ABCC12: variants seen among roughly 807,000 people sequenced by gnomAD.
ABCC12 encodes ATP-binding cassette sub-family C member 12.
A neutral mutation model predicts 151.1 loss-of-function variants in ABCC12; 142 were observed. The ratio of observed to expected loss-of-function variants is 0.94; its 90% CI spans 0.82 to 1.08. The LOEUF is 1.08. ABCC12 is among the 50% of genes least tolerant of loss of function. The pLI, the probability that ABCC12 is intolerant of heterozygous loss-of-function variation, is 0.00. For synonymous variants in ABCC12, 645 were observed against 646.4 expected (o/e 1.00, Z 0.03); for missense variants, 1,638 against 1,691.1 (o/e 0.97, Z 0.55).
At chr16:48,129,248 A>G (rs1166205494) in intron 10 of ABCC12, among the ~76,000 whole-genome samples, 1 of 152,196 alleles carries the variant, frequency 6.6e-6, no homozygotes, top group East Asian at 1.9e-4. Flanking sequence ...GTCTGGAGGG[A>G]GATGAGAACA....
intron 14 of ABCC12, 66 bp downstream of exon 14, chr16:48,117,195 C>G: frequency 6.8e-7 from 1 of 1,470,566 alleles, no homozygotes; most frequent in Non-Finnish European, 9.3e-7. Context: ...CTGGCCTCAG[C>G]CCTTTGGACC....
At chr16:48,112,160 G>A (rs1963719341) in intron 15 of ABCC12, among the ~76,000 whole-genome samples, 1 of 152,106 alleles carries the variant, frequency 6.6e-6, no homozygotes, top group Non-Finnish European at 1.5e-5. Flanking sequence ...CCTCCTGGGG[G>A]CAGATTGGCC....
At chr16:48,087,873 A>C (rs1962688022) in intron 27 of ABCC12, 53 bp downstream of exon 27, 1 of 1,574,904 alleles carries the variant, frequency 6.3e-7, no homozygotes, top group Middle Eastern at 1.7e-4. Context: ...GTTCTTGGTC[A>C]GTCTGATTTC....
At chr16:48,124,597 A>G (rs1456883156) in intron 11 of ABCC12, among the ~76,000 whole-genome samples, 1 of 152,252 alleles carries the variant, frequency 6.6e-6, no homozygotes, top group Non-Finnish European at 1.5e-5. Context: ...ACAGGCCTTG[A>G]ACAGGAAGGC....
intron 9 of ABCC12, among the ~76,000 whole-genome samples, 176 bp from the exon 10 acceptor site, chr16:48,131,071 C>A (rs1307525449): frequency 3.3e-5 from 5 of 152,196 alleles, no homozygotes; most frequent in Non-Finnish European, 7.3e-5. Context: ...CAGCTGGGGA[C>A]AGCAGCATCT....
intron 25 of ABCC12, among the ~76,000 whole-genome samples, chr16:48,090,401 CTTTTTTTTTTT>C (rs1011013161): frequency 8.4e-6 from 1 of 118,934 alleles, no homozygotes; most frequent in Non-Finnish European, 1.8e-5. Context: ...CAAATTTGAA[CTTTTTTTTTTT>C]TTTTTTTTTT....
At position 48,117,311 on chromosome 16, in the gene ABCC12, A is replaced by C; in HGVS notation, c.1735T>G (p.Cys579Gly). 2 of 1,613,900 alleles carry C rather than the reference A, an allele frequency of 1.2e-6. No individual in the cohort carries two copies. Among genetic ancestry groups the C allele is most frequent in the Non-Finnish European group, 1.7e-6 (2 of 1,179,920 alleles). The change falls in exon 14 of 31, where the codon TGT (cysteine) becomes GGT (glycine). Residue 579 changes from cysteine to glycine, a missense_variant. Transcript: ENST00000311303. ...TTGCTCAGGTCCTTCTGGAGGCCAC[A>C]GACGCGGACTGTGTGCTGATACCTG... The part of the protein sequence containing the change: ...HQRYQHTVRV[C>G]GLQKDLSNLP...
Position 48,107,255 on chromosome 16 carries a change from G to A in ABCC12, c.2475+67C>T. ...GGCATGGTGGCAGGGGCAGTCAGAT[G>A]CTCTGGCAGCAGAGTTTTACTCCAA... On this transcript the variant is annotated intron_variant, in intron 20 of 30. Coordinates refer to ENST00000311303, the MANE Select transcript of ABCC12 (RefSeq NM_001393797.1). 5 of 1,450,102 alleles carry A rather than the reference G, an allele frequency of 3.4e-6. No individual in the cohort carries two copies. The East Asian group carries it at 1.1e-4, about 33-fold the overall frequency. 89.8% of individuals were successfully genotyped at this position (1,450,102 alleles called of 1,614,324 possible). A position where few individuals can be genotyped will look rare whatever the true frequency, so the allele number is the denominator to read the frequency against.
chr16:48,129,071 T>G (rs770649372), intron 10 of ABCC12, among the ~76,000 whole-genome samples: 1 of 152,222 alleles, frequency 6.6e-6, no homozygotes, highest in Non-Finnish European at 1.5e-5. Flanking sequence ...ACTAAATGCT[T>G]ATGAAATCAA....
chr16:48,105,029 G>A (rs1386742311), intron 21 of ABCC12, 110 bp downstream of exon 21: 2 of 1,246,532 alleles, frequency 1.6e-6, no homozygotes, highest in Non-Finnish European at 1.2e-6. Context: ...CAAGCTCTAT[G>A]AGGGCTCTGG....
intron 18 of ABCC12, among the ~76,000 whole-genome samples, chr16:48,109,396 G>T (rs552094456): frequency 6.6e-6 from 1 of 152,288 alleles, no homozygotes; most frequent in South Asian, 2.1e-4. Flanking sequence ...AGGGATGCTG[G>T]ATAAAGCAGC....
At position 48,082,051 on chromosome 16, in the gene ABCC12, A is replaced by T. The variant is rs1280209154; in HGVS notation, c.*1664T>A. 2.1e-4 allele frequency among the ~76,000 whole-genome samples: 32 copies of T among 152,110 alleles called. No homozygotes were observed. Among genetic ancestry groups the T allele is most frequent in the Non-Finnish European group, 1.5e-5 (1 of 68,020 alleles). Reference sequence around the variant, plus strand: ...GAACGCTGTGGATGTGGGTTTAATGACCTTCAGTCAGGGTCATGCACCATG... The same window carrying T: ...GAACGCTGTGGATGTGGGTTTAATGTCCTTCAGTCAGGGTCATGCACCATG... On this transcript the variant is annotated 3_prime_UTR_variant, in exon 31 of 31. Transcript: ENST00000311303.
intron 11 of ABCC12, among the ~76,000 whole-genome samples, chr16:48,126,985 A>G (rs916175379): frequency 6.6e-6 from 1 of 152,136 alleles, no homozygotes; most frequent in African/African-American, 2.4e-5. Context: ...GGCGGGGGGA[A>G]GTCAGGTGCT....
At chr16:48,142,403 G>C (rs1395815920) in intron 4 of ABCC12, among the ~76,000 whole-genome samples, 2 of 152,212 alleles carry the variant, frequency 1.3e-5, no homozygotes, top group Admixed American at 6.5e-5. Context: ...GCATAACACA[G>C]AATGGCAAAG....
Position 48,104,136 on chromosome 16 carries a change from G to T in ABCC12, c.2900+6C>A, listed in dbSNP as rs200224628. ...GTTTTCTCGTGTAAATAGCACATGG[G>T]CCTACCGTAACAGAATGAAGAAGCC... On this transcript the variant is annotated splice_donor_region_variant and intron_variant, in intron 22 of 30. Coordinates refer to ENST00000311303, the MANE Select transcript of ABCC12 (RefSeq NM_001393797.1). 2 of 1,613,056 alleles carry T rather than the reference G, an allele frequency of 1.2e-6. No homozygotes were observed. Among genetic ancestry groups the T allele is most frequent in the Non-Finnish European group, 8.5e-7 (1 of 1,179,642 alleles).
chr16:48,128,342 A>T, intron 11 of ABCC12, 117 bp downstream of exon 11: 1 of 1,437,660 alleles, frequency 7.0e-7, no homozygotes, highest in Non-Finnish European at 9.4e-7. Flanking sequence ...GACTCTGGTT[A>T]GAGACATCCC....
intron 15 of ABCC12, 54 bp from the exon 16 acceptor site, chr16:48,111,964 C>T: frequency 6.3e-7 from 1 of 1,582,776 alleles, no homozygotes; most frequent in Non-Finnish European, 8.6e-7. Flanking sequence ...AGAGCCCATG[C>T]CAAACTCCTC....
chr16:48,145,947 AC>A (rs930912870), intron 3 of ABCC12, among the ~76,000 whole-genome samples: 1 of 152,324 alleles, frequency 6.6e-6, no homozygotes, highest in African/African-American at 2.4e-5. Context: ...TACCTGGTAA[AC>A]CTTAGGCAAG....
In ABCC12 at chr16:48,102,770, T is replaced by TC. The variant is rs1963352025; in HGVS notation, c.2900+1371dup. On this transcript the variant is annotated intron_variant, in intron 22 of 30. Coordinates refer to ENST00000311303, the MANE Select transcript of ABCC12 (RefSeq NM_001393797.1). Reference sequence around the variant, plus strand: ...TCCGAAACTAAACTCGTATTCTTATTCCCCAAACCGCTTCTCCTCCTGCAC... The same window carrying TC: ...TCCGAAACTAAACTCGTATTCTTATTCCCCCAAACCGCTTCTCCTCCTGCAC... Among the ~76,000 whole-genome samples the TC allele has an allele frequency of 3.3e-5, 5 of 152,154 alleles. No individual in the cohort carries two copies. In the South Asian group the frequency reaches 1.0e-3, roughly 31 times the overall value.
Sources: allele counts gnomAD v4.1 joint callset (sites outside exome capture counted in the v4.1 genomes callset), GRCh38; gene constraint gnomAD v4.1.1; transcripts MANE v1.5; gene names NCBI Gene and HGNC (gene_info 2026-07-23, HGNC 2026-07-21).